GFOD2: variants seen among roughly 807,000 people sequenced by gnomAD.
The protein encoded by GFOD2 is glucose-fructose oxidoreductase domain-containing protein 2.
GFOD2 carries 9 observed loss-of-function variants against 24.6 expected under a neutral mutation model. That is an observed-to-expected ratio of 0.37 (90% CI 0.22 to 0.64). The LOEUF (loss-of-function observed/expected upper bound fraction) is 0.64, where lower values mean the gene tolerates loss of function less well. Ranked by LOEUF, GFOD2 falls within the 30% of genes least tolerant of loss-of-function variation. The probability of loss-of-function intolerance (pLI) is 0.65; values close to 1 mark genes in which losing one functional copy is unlikely to be tolerated. For missense variants in GFOD2, 476 were observed against 532.5 expected (o/e 0.89, Z 1.04); for synonymous variants, 211 against 224.8 (o/e 0.94, Z 0.55).
At chr16:67,691,974 TATA>T (rs1203807492) in intron 1 of GFOD2, among the ~76,000 whole-genome samples, 2 of 152,124 alleles carry the variant, frequency 1.3e-5, no homozygotes. Flanking sequence ...TGGCCTTATA[TATA>T]ATTAAAACTA....
chr16:67,716,627 A>G (rs1047631787), intron 1 of GFOD2, among the ~76,000 whole-genome samples: 1 of 152,130 alleles, frequency 6.6e-6, no homozygotes, highest in Non-Finnish European at 1.5e-5. Flanking sequence ...ATTTTGGCCT[A>G]CTTGTCTTAC....
intron 1 of GFOD2, among the ~76,000 whole-genome samples, chr16:67,696,099 C>T (rs1452246156): frequency 6.6e-6 from 1 of 151,522 alleles, no homozygotes; most frequent in Non-Finnish European, 1.5e-5. Flanking sequence ...CTGCAACCTC[C>T]ACCTCCCAGG....
Position 67,685,788 on chromosome 16 carries a change from G to A in GFOD2, c.-73C>T. 1.3e-6 allele frequency: 2 copies of A among 1,513,276 alleles called. No individual in the cohort carries two copies. Among genetic ancestry groups the A allele is most frequent in the African/African-American group, 1.4e-5 (1 of 73,028 alleles). 93.7% of individuals were successfully genotyped at this position (1,513,276 alleles called of 1,614,324 possible). A position where few individuals can be genotyped will look rare whatever the true frequency, so the allele number is the denominator to read the frequency against. The stretch of plus-strand genomic sequence containing the variant: ...ATGGATATGATCTTCCAAACGTCCT[G>A]GTCAGACATGGCTCCTAGAATAGCA... On this transcript the variant is annotated 5_prime_UTR_variant, in exon 2 of 3. It introduces an in-frame stop codon into an upstream open reading frame of the 5' UTR. Coordinates refer to ENST00000268797, the MANE Select transcript of GFOD2 (RefSeq NM_030819.4).
At position 67,675,909 on chromosome 16, in the gene GFOD2, T is replaced by A; in HGVS notation, c.404A>T (p.Gln135Leu). ...RFLPAFVRMK[Q>L]LISEHYVGAV... The stretch of plus-strand genomic sequence containing the variant: ...TCCCACATAGTGTTCCGAAATCAGC[T>A]GTTTCATGCGCACGAAGGCAGGCAG... Residue 135 changes from glutamine to leucine, a missense_variant, in exon 3 of 3, where the codon CAG becomes CTG. Coordinates refer to ENST00000268797, the MANE Select transcript of GFOD2 (RefSeq NM_030819.4). 1 of 1,614,218 alleles carries A rather than the reference T, an allele frequency of 6.2e-7. No homozygotes were observed. The highest frequency in any genetic ancestry group is 8.5e-7 in the Non-Finnish European group (1 of 1,180,046).
chr16:67,681,491 C>A (rs578149809), intron 2 of GFOD2: 55 of 822,400 alleles, frequency 6.7e-5, no homozygotes, highest in Non-Finnish European at 7.5e-5. Flanking sequence ...TCATTGCAAC[C>A]TCCGCTTCCT....
intron 1 of GFOD2, among the ~76,000 whole-genome samples, chr16:67,693,931 C>T (rs1158724838): frequency 6.6e-6 from 1 of 151,336 alleles, no homozygotes; most frequent in Non-Finnish European, 1.5e-5. Flanking sequence ...GTCTCAAAAA[C>T]AAAAAACAAA....
rs541924866 is a variant in GFOD2 at position 67,707,251 on chromosome 16, A to G, written c.-88+11912T>C. Among the ~76,000 whole-genome samples the G allele has an allele frequency of 3.6e-4, 53 of 146,974 alleles. No homozygotes were observed. In the South Asian group the frequency reaches 0.011, roughly 31 times the overall value. On this transcript the variant is annotated intron_variant, in intron 1 of 2. Transcript: ENST00000268797. ...TGCATGCCTGTAATCCCAGCTACTC[A>G]GGAGGCTAAGGCAGGAGAATTGCTT...
At chr16:67,714,473 CAAA>C (rs1265596335) in intron 1 of GFOD2, among the ~76,000 whole-genome samples, 1 of 53,652 alleles carries the variant, frequency 1.9e-5, no homozygotes. Context: ...AACACTGTCT[CAAA>C]AAAAAAAAAA....
chr16:67,686,019 C>A (rs2053263628), intron 1 of GFOD2, among the ~76,000 whole-genome samples: 2 of 151,952 alleles, frequency 1.3e-5, no homozygotes, highest in South Asian at 2.1e-4. Context: ...ATGCCTGTAA[C>A]CCCAGCATTT....
intron 1 of GFOD2, among the ~76,000 whole-genome samples, chr16:67,686,490 G>C (rs1180819531): frequency 1.3e-5 from 2 of 152,058 alleles, no homozygotes; most frequent in East Asian, 3.9e-4. Flanking sequence ...GATCTTTAAG[G>C]TTCCTTCTTG....
chr16:67,715,835 C>CA (rs780303741), intron 1 of GFOD2, among the ~76,000 whole-genome samples: 6,941 of 124,304 alleles, frequency 0.056, 391 homozygotes, highest in African/African-American at 0.16. Flanking sequence ...CCCATCTCTA[C>CA]AAAAAAAAAA....
At chr16:67,680,947 G>T in intron 2 of GFOD2, 1 of 985,426 alleles carries the variant, frequency 1.0e-6, no homozygotes, top group Non-Finnish European at 1.2e-6. Flanking sequence ...AGAACAGCCA[G>T]CCAAGTGTCA....
chr16:67,683,313 T>C, intron 2 of GFOD2: 2 of 1,208,942 alleles, frequency 1.7e-6, no homozygotes, highest in Non-Finnish European at 1.0e-6. Flanking sequence ...ATGGTCTCTG[T>C]GGGGAACCCT....
chr16:67,681,288 T>G (rs1323606843), intron 2 of GFOD2: 1 of 984,788 alleles, frequency 1.0e-6, no homozygotes, highest in Non-Finnish European at 1.2e-6. Context: ...AGAGAGGAGG[T>G]GGGTTTAGAG....
intron 2 of GFOD2, chr16:67,684,906 G>A: frequency 1.0e-6 from 1 of 995,240 alleles, no homozygotes; most frequent in Non-Finnish European, 1.2e-6. Context: ...GAGTGGAGAT[G>A]TCATGTAAGC....
chr16:67,680,147 T>C (rs976394299), intron 2 of GFOD2, among the ~76,000 whole-genome samples: 8 of 152,212 alleles, frequency 5.3e-5, no homozygotes, highest in African/African-American at 4.8e-5. Flanking sequence ...CCTCCTGCCT[T>C]GGCCTCCCAA....
intron 1 of GFOD2, among the ~76,000 whole-genome samples, chr16:67,708,015 C>T (rs751590140): frequency 2.0e-4 from 30 of 152,160 alleles, no homozygotes; most frequent in Admixed American, 9.8e-4. Flanking sequence ...CGGAGGGAAT[C>T]GAACAGAAAG....
At position 67,698,603 on chromosome 16, in the gene GFOD2, C is replaced by T. The variant is rs147391005; in HGVS notation, c.-87-12801G>A. The stretch of plus-strand genomic sequence containing the variant: ...AAGCAAGTCTCCTGCCTCAGCTTCC[C>T]GAGCAGCTGGGATTACAGGTGTGCG... On this transcript the variant is annotated intron_variant, in intron 1 of 2. Transcript: ENST00000268797. 2.4e-3 allele frequency among the ~76,000 whole-genome samples: 364 copies of T among 152,246 alleles called. 3 individuals carry two copies. Among genetic ancestry groups the T allele is most frequent in the Middle Eastern group, 0.014 (4 of 294 alleles).
chr16:67,683,109 T>C, intron 2 of GFOD2: 1 of 659,468 alleles, frequency 1.5e-6, no homozygotes, highest in Non-Finnish European at 1.9e-6. Context: ...CACAGTCGCG[T>C]GCCACCATGC....
Sources: gnomAD v4.1 joint callset for allele counts (sites outside exome capture counted in the v4.1 genomes callset) on GRCh38, gnomAD v4.1.1 for gene constraint, MANE v1.5 for transcripts, NCBI Gene and HGNC (gene_info 2026-07-23, HGNC 2026-07-21) for gene names.